The following GPC6 variants were observed in gnomAD, a reference collection of about 807,000 sequenced individuals.
The protein encoded by GPC6 is glypican-6.
A neutral mutation model predicts 55.2 loss-of-function variants in GPC6; 14 were observed. The observed-to-expected ratio is 0.25, with a 90% CI of 0.17 to 0.40. The LOEUF (loss-of-function observed/expected upper bound fraction) is 0.40. Ranked by LOEUF, GPC6 falls within the 10% of genes least tolerant of loss-of-function variation. The pLI is 1.00. For missense variants in GPC6, 641 were observed against 708.5 expected (o/e 0.90, Z 1.08); for synonymous variants, 278 against 259.6 (o/e 1.07, Z -0.68).
chr13:93,829,357 A>T (rs1286081465), intron 2 of GPC6, among the ~76,000 whole-genome samples: 5 of 151,994 alleles, frequency 3.3e-5, no homozygotes, highest in African/African-American at 9.7e-5. Context: ...TTTTTGTCTT[A>T]TTTTTTTGCA....
At chr13:93,674,573 A>G (rs923829368) in intron 2 of GPC6, among the ~76,000 whole-genome samples, 1 of 152,224 alleles carries the variant, frequency 6.6e-6, no homozygotes, top group African/African-American at 2.4e-5. Context: ...AAGACACAAC[A>G]CAGGCATGTA....
intron 3 of GPC6, among the ~76,000 whole-genome samples, chr13:94,007,152 C>T (rs976212164): frequency 6.6e-6 from 1 of 152,170 alleles, no homozygotes; most frequent in Non-Finnish European, 1.5e-5. Context: ...ATCCATCTCA[C>T]GTCATCTGAC....
intron 1 of GPC6, among the ~76,000 whole-genome samples, chr13:93,499,452 T>C (rs1880441991): frequency 6.6e-6 from 1 of 152,200 alleles, no homozygotes; most frequent in Non-Finnish European, 1.5e-5. Context: ...CATATTGGCA[T>C]TCACTTCATG....
At chr13:94,397,745 A>G (rs1232676388) in intron 7 of GPC6, among the ~76,000 whole-genome samples, 1 of 152,194 alleles carries the variant, frequency 6.6e-6, no homozygotes, top group Non-Finnish European at 1.5e-5. Flanking sequence ...GAAGGCATTG[A>G]ATCCTTGACC....
At chr13:93,308,711 G>A (rs1878960421) in intron 1 of GPC6, among the ~76,000 whole-genome samples, 1 of 152,158 alleles carries the variant, frequency 6.6e-6, no homozygotes, top group Admixed American at 6.5e-5. Flanking sequence ...CAAAGTGCTG[G>A]GATTACAGGC....
chr13:93,977,501 TG>T (rs1880575767), intron 3 of GPC6, among the ~76,000 whole-genome samples: 1 of 147,686 alleles, frequency 6.8e-6, no homozygotes, highest in Non-Finnish European at 1.5e-5. Context: ...TGTGTGTGTG[TG>T]TGTGTGTGTG....
intron 3 of GPC6, among the ~76,000 whole-genome samples, chr13:93,869,160 G>A (rs1889054608): frequency 1.3e-5 from 2 of 151,820 alleles, no homozygotes; most frequent in East Asian, 2.0e-4. Context: ...TACAGCCCAC[G>A]GTTGGAAAAT....
chr13:94,150,008 CA>C (rs1284315194), intron 4 of GPC6, among the ~76,000 whole-genome samples: 1 of 152,022 alleles, frequency 6.6e-6, no homozygotes, highest in Non-Finnish European at 1.5e-5. Flanking sequence ...GCCAGGATAA[CA>C]GGAAGCACAT....
intron 6 of GPC6, among the ~76,000 whole-genome samples, chr13:94,369,794 GTTT>G (rs933867912): frequency 6.6e-6 from 1 of 151,924 alleles, no homozygotes; most frequent in African/African-American, 2.4e-5. Flanking sequence ...GAGTTTTGGT[GTTT>G]TTTTGTTTTT....
At chr13:93,776,242 A>G (rs1463001542) in intron 2 of GPC6, among the ~76,000 whole-genome samples, 2 of 152,190 alleles carry the variant, frequency 1.3e-5, no homozygotes, top group African/African-American at 4.8e-5. Flanking sequence ...TTATTATAAT[A>G]TAGCAGTAGT....
chr13:93,879,282 C>T lies in GPC6; in HGVS notation c.711+48737C>T, dbSNP rs138589845. On this transcript the variant is annotated intron_variant, in intron 3 of 8. Transcript: ENST00000377047. ...AACTTCTTTGCCTTTGGTTTGAAAG[C>T]TGGAGGCATCACACTACCTGACTTC... is the stretch of plus-strand genomic sequence containing the variant. 7.7e-4 allele frequency among the ~76,000 whole-genome samples: 117 copies of T among 152,162 alleles called. 1 individual carries two copies. In the Middle Eastern group the frequency reaches 0.01, roughly 13 times the overall value.
chr13:93,452,845 G>T (rs538242092), intron 1 of GPC6, among the ~76,000 whole-genome samples: 14 of 152,180 alleles, frequency 9.2e-5, no homozygotes, highest in African/African-American at 3.1e-4. Context: ...ATATTGAGAA[G>T]CATTGGTGTA....
chr13:94,075,716 T>C (rs900911315), intron 4 of GPC6, among the ~76,000 whole-genome samples: 1 of 152,178 alleles, frequency 6.6e-6, no homozygotes, highest in Non-Finnish European at 1.5e-5. Context: ...GCAATCAGTA[T>C]TTGTCCTTCT....
chr13:93,676,118 A>T (rs1881586482), intron 2 of GPC6, among the ~76,000 whole-genome samples: 1 of 16,112 alleles, frequency 6.2e-5, no homozygotes, highest in African/African-American at 1.4e-4. Flanking sequence ...AAAAAAAAAA[A>T]AAAAAAAAAT....
At chr13:93,307,045 T>A (rs577266678) in intron 1 of GPC6, among the ~76,000 whole-genome samples, 91 of 152,274 alleles carry the variant, frequency 6.0e-4, no homozygotes, top group Non-Finnish European at 9.3e-4. Flanking sequence ...TTTATTTTTT[T>A]ATTTCTTTTC....
chr13:94,152,656 T>TAA lies in GPC6; in HGVS notation c.877+124772_877+124773dup, dbSNP rs5805852. Among the ~76,000 whole-genome samples, 341 of 149,336 alleles carry TAA rather than the reference T, an allele frequency of 2.3e-3. 2 individuals carry two copies. Among genetic ancestry groups the TAA allele is most frequent in the Middle Eastern group, 0.011 (3 of 282 alleles). On this transcript the variant is annotated intron_variant, in intron 4 of 8. Coordinates refer to ENST00000377047, the MANE Select transcript of GPC6 (RefSeq NM_005708.5). ...TATTGCTACATCCTCAAGCCTACTT[T>TAA]AAAAAAAAAAATCATTGTATTCCCC...
chr13:93,425,669 A>G (rs759977666), intron 1 of GPC6, among the ~76,000 whole-genome samples: 4 of 152,166 alleles, frequency 2.6e-5, no homozygotes, highest in Non-Finnish European at 4.4e-5. Context: ...TGAAACCAGC[A>G]CTGCTTGGCT....
intron 3 of GPC6, among the ~76,000 whole-genome samples, chr13:93,859,219 C>G (rs1283324109): frequency 6.6e-6 from 1 of 151,558 alleles, no homozygotes; most frequent in Admixed American, 6.6e-5. Flanking sequence ...TAAAAATGCA[C>G]AAACATGTAC....
intron 4 of GPC6, among the ~76,000 whole-genome samples, chr13:94,272,463 C>CTTTTTTTTTTTTTTTT (rs555664508): frequency 2.4e-4 from 21 of 85,742 alleles, no homozygotes; most frequent in East Asian, 6.2e-4. Context: ...CTTTTCTTTT[C>CTTTTTTTTTTTTTTTT]TTTTTTTTTT....
Sources: gnomAD v4.1 joint callset for allele counts (sites outside exome capture counted in the v4.1 genomes callset) on GRCh38, gnomAD v4.1.1 for gene constraint, MANE v1.5 for transcripts, NCBI Gene and HGNC (gene_info 2026-07-23, HGNC 2026-07-21) for gene names.